The following STXBP5L variants were observed in gnomAD, a reference collection of about 807,000 sequenced individuals.
The protein encoded by STXBP5L is syntaxin binding protein 5L, also known as syntaxin-binding protein 5-like.
A neutral mutation model predicts 144.5 loss-of-function variants in STXBP5L; 65 were observed. That is an observed-to-expected ratio of 0.45 (90% CI 0.37 to 0.55). STXBP5L has a LOEUF of 0.55. STXBP5L is among the 20% of genes least tolerant of loss of function. STXBP5L has a pLI of 0.00. For missense variants in STXBP5L, 1,298 were observed against 1,405.5 expected (o/e 0.92, Z 1.22); for synonymous variants, 505 against 469.6 (o/e 1.08, Z -0.97).
chr3:121,087,071 A>C (rs560137515), intron 5 of STXBP5L, among the ~76,000 whole-genome samples: 1 of 152,018 alleles, frequency 6.6e-6, no homozygotes, highest in African/African-American at 2.4e-5. Context: ...GAGTTATTTT[A>C]AAATTGTTGA....
intron 20 of STXBP5L, among the ~76,000 whole-genome samples, chr3:121,347,990 C>G (rs1419494892): frequency 6.6e-6 from 1 of 152,152 alleles, no homozygotes; most frequent in Non-Finnish European, 1.5e-5. Context: ...ACTTCCAACA[C>G]TATGTTGAAT....
intron 4 of STXBP5L, among the ~76,000 whole-genome samples, 193 bp downstream of exon 4, chr3:121,041,974 T>C (rs1467184089): frequency 3.9e-5 from 6 of 152,160 alleles, no homozygotes; most frequent in African/African-American, 1.4e-4. Flanking sequence ...GAAAAAAGAT[T>C]GTATATGCCA....
intron 2 of STXBP5L, among the ~76,000 whole-genome samples, chr3:120,926,356 C>CTTTTTTTTTTTTTTTTTT (rs35029446): frequency 7.2e-6 from 1 of 139,740 alleles, no homozygotes. Flanking sequence ...GATGGCAGTT[C>CTTTTTTTTTTTTTTTTTT]TTTTTTTTTT....
intron 5 of STXBP5L, among the ~76,000 whole-genome samples, chr3:121,092,530 G>C (rs1283067698): frequency 6.6e-6 from 1 of 152,130 alleles, no homozygotes; most frequent in African/African-American, 2.4e-5. Context: ...TCTCTTTGAA[G>C]CAATTGGGAA....
At chr3:121,297,109 C>T (rs1419859598) in intron 19 of STXBP5L, among the ~76,000 whole-genome samples, 1 of 151,848 alleles carries the variant, frequency 6.6e-6, no homozygotes, top group East Asian at 1.9e-4. Context: ...TTTTCATAGT[C>T]CAATTTGAAA....
chr3:121,377,862 C>T (rs1304676547), intron 20 of STXBP5L, among the ~76,000 whole-genome samples: 3 of 152,156 alleles, frequency 2.0e-5, no homozygotes, highest in Non-Finnish European at 4.4e-5. Flanking sequence ...TATAAAGACA[C>T]ATGCACACAT....
intron 5 of STXBP5L, among the ~76,000 whole-genome samples, chr3:121,063,321 T>G (rs1475785146): frequency 1.3e-5 from 2 of 152,204 alleles, no homozygotes; most frequent in Admixed American, 1.3e-4. Context: ...GTATCACCAG[T>G]GGATGCTGCA....
At chr3:121,011,505 C>T (rs564809921) in intron 3 of STXBP5L, among the ~76,000 whole-genome samples, 5 of 151,838 alleles carry the variant, frequency 3.3e-5, no homozygotes, top group African/African-American at 9.6e-5. Flanking sequence ...GCGCCACTAT[C>T]AGTTCTTGGT....
chr3:121,091,878 A>G lies in STXBP5L; in HGVS notation c.471-23047A>G, dbSNP rs530636933. On this transcript the variant is annotated intron_variant, in intron 5 of 26. Transcript: ENST00000471454. ...GCCTATGTCCTGAATGGTAATGCCTAGGTTTTCTTCTAGGATCTTTATGGT... is the reference window on the plus strand; with the variant it reads ...GCCTATGTCCTGAATGGTAATGCCTGGGTTTTCTTCTAGGATCTTTATGGT... 3.6e-4 allele frequency among the ~76,000 whole-genome samples: 55 copies of G among 152,284 alleles called. 1 individual carries two copies. The South Asian group carries it at 9.7e-3, about 27-fold the overall frequency.
chr3:121,407,713 A>AT (rs1177492432), intron 23 of STXBP5L, 110 bp downstream of exon 23: 1 of 1,375,390 alleles, frequency 7.3e-7, no homozygotes, highest in Non-Finnish European at 9.8e-7. Context: ...AACTGAGATT[A>AT]TTGTTTCATT....
intron 11 of STXBP5L, among the ~76,000 whole-genome samples, chr3:121,233,295 G>C (rs1346568554): frequency 6.6e-6 from 1 of 152,100 alleles, no homozygotes; most frequent in Non-Finnish European, 1.5e-5. Flanking sequence ...GGTTATGGAA[G>C]AATAAGATAA....
At chr3:121,072,705 TTCTC>T (rs2041857171) in intron 5 of STXBP5L, among the ~76,000 whole-genome samples, 1 of 152,248 alleles carries the variant, frequency 6.6e-6, no homozygotes, top group African/African-American at 2.4e-5. Context: ...CTCTTTTGGC[TTCTC>T]TGTCTGCCTT....
At chr3:121,251,083 C>G (rs553261550) in intron 15 of STXBP5L, among the ~76,000 whole-genome samples, 84 of 152,326 alleles carry the variant, frequency 5.5e-4, no homozygotes, top group Middle Eastern at 3.4e-3. Context: ...CCTTCACCCT[C>G]TACCTGTGTG....
intron 20 of STXBP5L, among the ~76,000 whole-genome samples, chr3:121,342,614 G>C (rs1161540222): frequency 1.3e-5 from 2 of 150,732 alleles, no homozygotes; most frequent in African/African-American, 2.4e-5. Context: ...TTTTGTTCTT[G>C]TGATAGTTTA....
chr3:121,179,402 A>T (rs2047055283), intron 9 of STXBP5L, among the ~76,000 whole-genome samples: 1 of 152,342 alleles, frequency 6.6e-6, no homozygotes, highest in South Asian at 2.1e-4. Flanking sequence ...AGGGAAAAAA[A>T]GTAATTCTAA....
intron 22 of STXBP5L, among the ~76,000 whole-genome samples, chr3:121,406,142 C>T (rs570453591): frequency 1.6e-4 from 25 of 152,036 alleles, no homozygotes; most frequent in African/African-American, 6.0e-4. Context: ...TCCCTTAACC[C>T]TTAAACTGCA....
chr3:120,978,167 C>A (rs532472975), intron 3 of STXBP5L, among the ~76,000 whole-genome samples: 57 of 152,340 alleles, frequency 3.7e-4, no homozygotes, highest in Non-Finnish European at 7.3e-4. Context: ...TTCTCCCTGT[C>A]ACTTTCAGAT....
intron 2 of STXBP5L, among the ~76,000 whole-genome samples, chr3:120,930,695 C>T (rs1709884263): frequency 6.6e-6 from 1 of 152,090 alleles, no homozygotes; most frequent in Non-Finnish European, 1.5e-5. Flanking sequence ...ATGTTTCCCC[C>T]AAACAGCCCG....
chr3:120,996,497 C>T (rs1454272048), intron 3 of STXBP5L, among the ~76,000 whole-genome samples: 1 of 152,008 alleles, frequency 6.6e-6, no homozygotes, highest in East Asian at 1.9e-4. Context: ...TTTTAGCAAA[C>T]TTCAAGTATA....
Sources: gnomAD v4.1 joint callset for allele counts (sites outside exome capture counted in the v4.1 genomes callset) on GRCh38, gnomAD v4.1.1 for gene constraint, MANE v1.5 for transcripts, NCBI Gene and HGNC (gene_info 2026-07-23, HGNC 2026-07-21) for gene names.